PCDH7: variants seen among roughly 807,000 people sequenced by gnomAD.
PCDH7 encodes the protein protocadherin 7.
In PCDH7, 17 loss-of-function variants were observed where a neutral mutation model predicts 58.9. The ratio of observed to expected loss-of-function variants is 0.29; its 90% CI spans 0.20 to 0.43. The LOEUF (loss-of-function observed/expected upper bound fraction) is 0.43. PCDH7 is among the 20% of genes least tolerant of loss of function. The pLI, the probability that PCDH7 is intolerant of heterozygous loss-of-function variation, is 1.00. For synonymous variants in PCDH7, 664 were observed against 616.4 expected, an observed-to-expected ratio of 1.08 and a Z score of -1.14; for missense variants, 1,274 against 1,441.0, an observed-to-expected ratio of 0.88 and a Z score of 1.88.
intron 2 of PCDH7, among the ~76,000 whole-genome samples, chr4:30,939,065 C>A (rs1560518296): frequency 6.6e-6 from 1 of 152,118 alleles, no homozygotes; most frequent in Non-Finnish European, 1.5e-5. Context: ...ACACCTAAAG[C>A]TCTAATTTTC....
intron 1 of PCDH7, among the ~76,000 whole-genome samples, chr4:30,749,461 T>G (rs996804181): frequency 6.6e-6 from 1 of 152,100 alleles, no homozygotes; most frequent in Non-Finnish European, 1.5e-5. Flanking sequence ...TAAGCATCCT[T>G]CTTGATTTAA....
chr4:31,122,249 G>A (rs1039252227), intron 3 of PCDH7, among the ~76,000 whole-genome samples: 3 of 152,042 alleles, frequency 2.0e-5, no homozygotes, highest in Non-Finnish European at 2.9e-5. Context: ...AGCCATGTAG[G>A]TATATCATGG....
chr4:31,080,578 G>A lies in PCDH7; in HGVS notation c.*8-61895G>A, dbSNP rs536225994. Among the ~76,000 whole-genome samples, 16 of 152,222 alleles carry A rather than the reference G, an allele frequency of 1.1e-4. No homozygotes were observed. The South Asian group carries it at 1.2e-3, about 12-fold the overall frequency. On this transcript the variant is annotated intron_variant, in intron 3 of 3. Transcript: ENST00000509759. The stretch of plus-strand genomic sequence containing the variant: ...AAATGATTACCTATTGATAATTAGA[G>A]TAAGATCGTTCTTTAGAAAAAAAAG...
At chr4:31,035,351 T>C (rs947847562) in intron 3 of PCDH7, among the ~76,000 whole-genome samples, 4 of 149,116 alleles carry the variant, frequency 2.7e-5, no homozygotes, top group African/African-American at 1.0e-4. Context: ...CTTACCGGGT[T>C]CAAGCGATTC....
At chr4:31,052,120 C>CT (rs1460610557) in intron 3 of PCDH7, among the ~76,000 whole-genome samples, 1 of 151,728 alleles carries the variant, frequency 6.6e-6, no homozygotes, top group Admixed American at 6.6e-5. Context: ...TTTTTGTTGT[C>CT]TGTTTTATTT....
At position 30,722,685 on chromosome 4, in the gene PCDH7, G is replaced by T; in HGVS notation, c.1263G>T (p.Gly421=). 1 of 1,613,638 alleles carries T rather than the reference G, an allele frequency of 6.2e-7. No homozygotes were observed. Among genetic ancestry groups the T allele is most frequent in the Non-Finnish European group, 8.5e-7 (1 of 1,180,036 alleles). The change falls in exon 1 of 2, where the codon GGG becomes GGT. Residue 421 remains glycine, a synonymous_variant. Transcript: ENST00000361762. The surrounding 1 kb of genome is among the most constrained non-coding windows in gnomAD (Gnocchi z 7.6). ...CGTCCATTGAAATCCGCAAGATTGG[G>T]CGCATCCCCCTCAAGGACGGGGTGG...
At chr4:30,854,303 T>C (rs138217923) in intron 1 of PCDH7, among the ~76,000 whole-genome samples, 4 of 147,838 alleles carry the variant, frequency 2.7e-5, no homozygotes, top group African/African-American at 7.5e-5. Flanking sequence ...ACATACTAGA[T>C]GCCAGTAGTA....
intron 2 of PCDH7, among the ~76,000 whole-genome samples, chr4:30,935,078 C>T (rs185060089): frequency 8.6e-4 from 131 of 152,100 alleles, no homozygotes; most frequent in Non-Finnish European, 1.6e-3. Context: ...TTTATAGATA[C>T]ATTATTACTG....
chr4:31,055,981 T>C (rs1320255756), intron 3 of PCDH7, among the ~76,000 whole-genome samples: 2 of 152,216 alleles, frequency 1.3e-5, no homozygotes, highest in Non-Finnish European at 1.5e-5. Flanking sequence ...CCAGGCATTG[T>C]AATGTAGGTC....
chr4:30,919,180 C>T (rs1742857374), intron 1 of PCDH7, among the ~76,000 whole-genome samples: 1 of 152,004 alleles, frequency 6.6e-6, no homozygotes, highest in Non-Finnish European at 1.5e-5. Flanking sequence ...ACAACTATTG[C>T]CAAAAATAAT....
intron 1 of PCDH7, among the ~76,000 whole-genome samples, chr4:30,874,192 T>C (rs1735979568): frequency 6.6e-6 from 1 of 151,952 alleles, no homozygotes; most frequent in Non-Finnish European, 1.5e-5. Flanking sequence ...ATCCCATTAC[T>C]GGGTATATAC....
chr4:31,064,857 T>C (rs1560615521), intron 3 of PCDH7, among the ~76,000 whole-genome samples: 1 of 151,662 alleles, frequency 6.6e-6, no homozygotes, highest in Non-Finnish European at 1.5e-5. Flanking sequence ...ATTCAGTTCA[T>C]AACACACACA....
intron 3 of PCDH7, among the ~76,000 whole-genome samples, chr4:31,100,271 A>G (rs1476001347): frequency 6.6e-6 from 1 of 152,216 alleles, no homozygotes; most frequent in African/African-American, 2.4e-5. Flanking sequence ...CGGGGGGATC[A>G]GCATGGCTGA....
intron 3 of PCDH7, among the ~76,000 whole-genome samples, chr4:31,029,801 G>T (rs533778813): frequency 1.6e-4 from 25 of 152,052 alleles, no homozygotes; most frequent in Non-Finnish European, 3.4e-4. Context: ...CTTAGCTCTG[G>T]GTTGGGGTTC....
chr4:30,863,422 A>G (rs573958099), intron 1 of PCDH7, among the ~76,000 whole-genome samples: 15 of 152,188 alleles, frequency 9.9e-5, no homozygotes, highest in Admixed American at 4.6e-4. Context: ...GGATTCTGCT[A>G]AGCATTCTAC....
chr4:30,722,992 A>C lies in PCDH7; in HGVS notation c.1570A>C (p.Lys524Gln). The C allele has an allele frequency of 6.2e-7, 1 of 1,613,816 alleles. No individual in the cohort carries two copies. The highest frequency in any genetic ancestry group is 1.3e-5 in the African/African-American group (1 of 75,046). ...CTCGAGCAACAACTCCCTGATTGTC[A>C]AGGTGGGAGACACCAACGACAACCC... The change falls in exon 1 of 2, where the codon AAG becomes CAG. Residue 524 changes from lysine to glutamine, a missense_variant. Physicochemically the swap from Lys to Gln is moderately conservative, Grantham distance 53 (BLOSUM62 1). Around this residue, in one of 3 missense-constraint regions of PCDH7, gnomAD observed 731 missense variants for 881.9 expected, o/e 0.83. Coordinates refer to ENST00000361762, the Ensembl canonical transcript of PCDH7. This position sits in a 1 kb window ranked among gnomAD's most constrained non-coding sequence, Gnocchi z 7.6.
chr4:30,835,640 C>G (rs780244233), intron 1 of PCDH7, among the ~76,000 whole-genome samples: 57 of 152,012 alleles, frequency 3.7e-4, no homozygotes, highest in Non-Finnish European at 7.2e-4. Flanking sequence ...GGAGCACAAG[C>G]CCAGGGCTTG....
intron 3 of PCDH7, among the ~76,000 whole-genome samples, chr4:31,027,896 T>G (rs1754574026): frequency 6.6e-6 from 1 of 152,218 alleles, no homozygotes; most frequent in Non-Finnish European, 1.5e-5. Context: ...TGCTTATCCT[T>G]TATTGGTATT....
intron 1 of PCDH7, among the ~76,000 whole-genome samples, chr4:30,832,060 C>T (rs1430239703): frequency 6.6e-6 from 1 of 152,136 alleles, no homozygotes; most frequent in African/African-American, 2.4e-5. Context: ...TCATACATGA[C>T]TCAATGAGAT....
Sources: gnomAD v4.1 joint callset for allele counts (sites outside exome capture counted in the v4.1 genomes callset) on GRCh38, gnomAD v4.1.1 for gene constraint, gnomAD v4.1.1 regional missense constraint, Gnocchi (gnomAD v3.1) non-coding constraint, MANE v1.5 for transcripts, NCBI Gene and HGNC (gene_info 2026-07-23, HGNC 2026-07-21) for gene names.